SEL1L3: variants seen among roughly 807,000 people sequenced by gnomAD.
SEL1L3 encodes the protein protein sel-1 homolog 3.
A neutral mutation model predicts 142.8 loss-of-function variants in SEL1L3; 76 were observed. The observed-to-expected ratio is 0.53, with a 90% CI of 0.44 to 0.64. The LOEUF (loss-of-function observed/expected upper bound fraction) is 0.64, where lower values mean the gene tolerates loss of function less well. Among genes scored for constraint, SEL1L3 ranks in the 30% least tolerant of loss-of-function variants. SEL1L3 has a pLI of 0.00. For synonymous variants in SEL1L3, 504 were observed against 519.6 expected (o/e 0.97, Z 0.41); for missense variants, 1,262 against 1,381.7 (o/e 0.91, Z 1.37).
intron 2 of SEL1L3, among the ~76,000 whole-genome samples, chr4:25,837,329 T>C (rs923816359): frequency 2.8e-5 from 4 of 142,006 alleles, no homozygotes; most frequent in African/African-American, 2.7e-5. Context: ...AGTGATCTAG[T>C]GTGCAGTGGA....
chr4:25,758,678 T>C lies in SEL1L3; in HGVS notation c.3083+263A>G, dbSNP rs201709784. On this transcript the variant is annotated intron_variant, in intron 21 of 23. Transcript: ENST00000399878. ...GGCTTTTTCTTTCTTTTCTTTCTTT[T>C]TTTTTTTTTTCTTTTAGTAGAGATA... Among the ~76,000 whole-genome samples the C allele has an allele frequency of 1.8e-3, 274 of 151,242 alleles. 5 individuals carry two copies. In the East Asian group the frequency reaches 0.02, roughly 11 times the overall value.
intron 5 of SEL1L3, among the ~76,000 whole-genome samples, chr4:25,831,924 G>A (rs1356740494): frequency 6.6e-6 from 1 of 152,152 alleles, no homozygotes; most frequent in African/African-American, 2.4e-5. Context: ...CATACAGTAG[G>A]TGCAAAATAA....
chr4:25,820,382 CT>C (rs1419305757), intron 7 of SEL1L3, among the ~76,000 whole-genome samples: 1 of 152,256 alleles, frequency 6.6e-6, no homozygotes, highest in Admixed American at 6.5e-5. Flanking sequence ...ACAGGCCCCC[CT>C]AGTGGCTCAC....
chr4:25,808,668 T>C (rs1713768242), intron 9 of SEL1L3, among the ~76,000 whole-genome samples: 1 of 152,136 alleles, frequency 6.6e-6, no homozygotes, highest in Admixed American at 6.6e-5. Flanking sequence ...AAAGGAATGA[T>C]CTACACCAAG....
chr4:25,826,864 A>G (rs1272894368), intron 6 of SEL1L3, among the ~76,000 whole-genome samples: 2 of 152,000 alleles, frequency 1.3e-5, no homozygotes, highest in African/African-American at 2.4e-5. Context: ...GGGTTTCACC[A>G]TGTTGCCCAG....
downstream of SEL1L3, among the ~76,000 whole-genome samples, chr4:25,744,020 C>T (rs973791596): frequency 1.1e-4 from 16 of 152,138 alleles, no homozygotes; most frequent in African/African-American, 3.6e-4. Context: ...CCCCAGAGGA[C>T]AGATGTCTAA....
At chr4:25,730,335 C>T in the SEL1L3 span, among the ~76,000 whole-genome samples, 1 of 151,978 alleles carries the variant, frequency 6.6e-6, no homozygotes, top group Non-Finnish European at 1.5e-5. Flanking sequence ...TGTCTATGAA[C>T]TAACTTTTAT....
chr4:25,814,846 C>G (rs1390601744), intron 9 of SEL1L3, among the ~76,000 whole-genome samples: 1 of 151,560 alleles, frequency 6.6e-6, no homozygotes, highest in Non-Finnish European at 1.5e-5. Flanking sequence ...ACATAAGACA[C>G]CAGTCTTTCT....
At chr4:25,764,191 CATTCTTCAAGT>C (rs1437211219) in intron 20 of SEL1L3, among the ~76,000 whole-genome samples, 1 of 152,148 alleles carries the variant, frequency 6.6e-6, no homozygotes, top group East Asian at 1.9e-4. Flanking sequence ...ACCTAACAAG[CATTCTTCAAGT>C]ATCAAGAGTC....
chr4:25,776,388 C>G, intron 16 of SEL1L3, 28 bp from the exon 17 acceptor site: 1 of 1,468,448 alleles, frequency 6.8e-7, no homozygotes, highest in Non-Finnish European at 9.5e-7. Flanking sequence ...AGAGAAAATA[C>G]GCAAACCATG....
At chr4:25,845,183 G>A (rs996189165) in intron 2 of SEL1L3, among the ~76,000 whole-genome samples, 2 of 152,180 alleles carry the variant, frequency 1.3e-5, no homozygotes, top group African/African-American at 4.8e-5. Flanking sequence ...AGGATACACA[G>A]GGACCCTGTA....
chr4:25,756,344 C>T (rs1450484701), intron 23 of SEL1L3: 2 of 985,220 alleles, frequency 2.0e-6, no homozygotes, highest in Non-Finnish European at 2.4e-6. Flanking sequence ...CGACTGGGGC[C>T]TTCCTCTTAC....
chr4:25,861,837 C>T (rs542124157), intron 1 of SEL1L3: 113 of 152,246 alleles, frequency 7.4e-4, no homozygotes, highest in African/African-American at 2.5e-3. Flanking sequence ...CAGAAGCAAG[C>T]AAGCCCTCAA....
intron 6 of SEL1L3, among the ~76,000 whole-genome samples, chr4:25,827,764 A>G (rs1715186648): frequency 6.6e-6 from 1 of 152,258 alleles, no homozygotes; most frequent in African/African-American, 2.4e-5. Context: ...AAACTCTTAC[A>G]AAGAAAATGA....
At chr4:25,714,702 C>A in the SEL1L3 span, among the ~76,000 whole-genome samples, 2 of 151,612 alleles carry the variant, frequency 1.3e-5, no homozygotes, top group Non-Finnish European at 2.9e-5. Flanking sequence ...TCCTGAGTAG[C>A]TGGGATTACA....
the SEL1L3 span, among the ~76,000 whole-genome samples, chr4:25,741,929 C>T: frequency 6.6e-6 from 1 of 152,004 alleles, no homozygotes; most frequent in Non-Finnish European, 1.5e-5. Context: ...CTGCCTCAGC[C>T]TCCCAAGTAG....
At chr4:25,852,021 G>T (rs538553653) in intron 1 of SEL1L3, among the ~76,000 whole-genome samples, 2 of 152,012 alleles carry the variant, frequency 1.3e-5, no homozygotes, top group South Asian at 4.2e-4. Context: ...AAAGAAGGGG[G>T]TACAATGCAA....
intron 9 of SEL1L3, among the ~76,000 whole-genome samples, chr4:25,812,459 C>A (rs1354936614): frequency 1.3e-5 from 2 of 152,202 alleles, no homozygotes; most frequent in Non-Finnish European, 2.9e-5. Context: ...GGGGCTCACA[C>A]CTGAAATCCT....
At chr4:25,838,542 CGGCTGATATTCAGTG>C (rs1242709396) in intron 2 of SEL1L3, among the ~76,000 whole-genome samples, 1 of 152,180 alleles carries the variant, frequency 6.6e-6, no homozygotes, top group Non-Finnish European at 1.5e-5. Context: ...GAGAGAACCT[CGGCTGATATTCAGTG>C]GGCATGACCT....
Sources: allele counts gnomAD v4.1 joint callset (sites outside exome capture counted in the v4.1 genomes callset), GRCh38; gene constraint gnomAD v4.1.1; transcripts MANE v1.5; gene names NCBI Gene and HGNC (gene_info 2026-07-23, HGNC 2026-07-21).